Variants in CERS6 observed in about 807,000 individuals in gnomAD.
The protein encoded by CERS6 is ceramide synthase 6.
Under a neutral mutation model 56.8 loss-of-function variants are expected in CERS6, and 26 were observed. That is an observed-to-expected ratio of 0.46 (90% CI 0.34 to 0.63). The LOEUF (loss-of-function observed/expected upper bound fraction) is 0.63. CERS6 is among the 30% of genes least tolerant of loss of function. CERS6 has a pLI of 0.01. For missense variants in CERS6, 415 were observed against 467.5 expected (o/e 0.89, Z 1.04); for synonymous variants, 164 against 173.3 (o/e 0.95, Z 0.42).
intron 3 of CERS6, among the ~76,000 whole-genome samples, chr2:168,568,343 A>G (rs1352677099): frequency 2.6e-5 from 4 of 152,358 alleles, no homozygotes; most frequent in African/African-American, 7.2e-5. Context: ...TCATATTATT[A>G]TTTAACCCAG....
chr2:168,735,623 A>G (rs1161647777), intron 8 of CERS6, among the ~76,000 whole-genome samples: 1 of 152,074 alleles, frequency 6.6e-6, no homozygotes, highest in Non-Finnish European at 1.5e-5. Context: ...CTACAATCCC[A>G]GCACTTTAGG....
chr2:168,757,796 C>T lies in CERS6; in HGVS notation c.846-7796C>T, dbSNP rs753578784. 1.4e-4 allele frequency among the ~76,000 whole-genome samples: 22 copies of T among 152,270 alleles called. No individual in the cohort carries two copies. The East Asian group carries it at 2.1e-3, about 15-fold the overall frequency. On this transcript the variant is annotated intron_variant, in intron 8 of 9. Transcript: ENST00000305747. ...GTGACTAATAATTAGGCACCCATGCCGCAAGCTACCCAGAAGCTGTCCTCC... is the reference window on the plus strand; with the variant it reads ...GTGACTAATAATTAGGCACCCATGCTGCAAGCTACCCAGAAGCTGTCCTCC...
At chr2:168,673,087 A>G (rs1685963082) in intron 4 of CERS6, among the ~76,000 whole-genome samples, 1 of 152,220 alleles carries the variant, frequency 6.6e-6, no homozygotes, top group Non-Finnish European at 1.5e-5. Context: ...TTTCATTCTG[A>G]ATTCTAATAT....
chr2:168,577,661 C>T (rs745371888), intron 3 of CERS6, among the ~76,000 whole-genome samples: 12 of 152,052 alleles, frequency 7.9e-5, no homozygotes, highest in African/African-American at 2.2e-4. Flanking sequence ...GAGAGGAGCA[C>T]GGAGCATTCA....
intron 3 of CERS6, among the ~76,000 whole-genome samples, chr2:168,589,032 G>A (rs1478939397): frequency 2.0e-5 from 3 of 152,202 alleles, no homozygotes; most frequent in African/African-American, 4.8e-5. Context: ...GGGCCACCAC[G>A]CACAGCCCCT....
At chr2:168,654,354 G>A (rs1415414539) in intron 4 of CERS6, among the ~76,000 whole-genome samples, 2 of 152,038 alleles carry the variant, frequency 1.3e-5, no homozygotes, top group African/African-American at 4.8e-5. Flanking sequence ...GACCAGCCTA[G>A]CCAACATGGT....
chr2:168,473,741 T>G (rs1694019391), intron 1 of CERS6, among the ~76,000 whole-genome samples: 1 of 152,002 alleles, frequency 6.6e-6, no homozygotes, highest in Non-Finnish European at 1.5e-5. Context: ...AATAAAAAAA[T>G]AAAAAAACAC....
chr2:168,595,626 C>T (rs1480051130), intron 3 of CERS6, among the ~76,000 whole-genome samples: 9 of 152,098 alleles, frequency 5.9e-5, no homozygotes, highest in Middle Eastern at 3.2e-3. Flanking sequence ...ATGGTACTTA[C>T]GAAGAGTATC....
At chr2:168,470,890 A>G (rs1264871105) in intron 1 of CERS6, among the ~76,000 whole-genome samples, 1 of 152,208 alleles carries the variant, frequency 6.6e-6, no homozygotes, top group Non-Finnish European at 1.5e-5. Flanking sequence ...TGAAATAAAC[A>G]TGCCAGTAAA....
At chr2:168,532,890 G>T (rs188900866) in intron 1 of CERS6, among the ~76,000 whole-genome samples, 1 of 152,292 alleles carries the variant, frequency 6.6e-6, no homozygotes, top group Admixed American at 6.5e-5. Flanking sequence ...ACAGTGACCA[G>T]ATAGACATTG....
intron 1 of CERS6, among the ~76,000 whole-genome samples, chr2:168,533,717 C>G (rs148908764): frequency 6.6e-6 from 1 of 152,072 alleles, no homozygotes; most frequent in African/African-American, 2.4e-5. Context: ...CGTGGAGTAT[C>G]TTAGTGGTGT....
At chr2:168,569,855 A>G (rs553288764) in intron 3 of CERS6, among the ~76,000 whole-genome samples, 3 of 152,340 alleles carry the variant, frequency 2.0e-5, no homozygotes, top group East Asian at 1.9e-4. Context: ...TGTCTGCTTC[A>G]TAGGGTTGTT....
At chr2:168,520,695 C>A (rs1387574379) in intron 1 of CERS6, among the ~76,000 whole-genome samples, 1 of 148,302 alleles carries the variant, frequency 6.7e-6, no homozygotes, top group Non-Finnish European at 1.5e-5. Flanking sequence ...CCGCAACCTC[C>A]GCCTCCTGGG....
intron 3 of CERS6, among the ~76,000 whole-genome samples, chr2:168,563,302 A>T (rs919380106): frequency 6.6e-6 from 1 of 152,242 alleles, no homozygotes; most frequent in Admixed American, 6.5e-5. Flanking sequence ...GCATACCACA[A>T]TAAATAAGAC....
rs374967122 is a variant in CERS6 at position 168,683,143 on chromosome 2, A to G, written c.466-7891A>G. Reference sequence around the variant, plus strand: ...TATATATGGATCTAGTTAATTTTTTACAATAAATGCTGGGTCAAAGATATG... The same window carrying G: ...TATATATGGATCTAGTTAATTTTTTGCAATAAATGCTGGGTCAAAGATATG... On this transcript the variant is annotated intron_variant, in intron 4 of 9. Transcript: ENST00000305747. 2.0e-5 allele frequency among the ~76,000 whole-genome samples: 3 copies of G among 152,196 alleles called. No homozygotes were observed. The East Asian group carries it at 5.8e-4, about 29-fold the overall frequency.
intron 1 of CERS6, among the ~76,000 whole-genome samples, chr2:168,494,544 A>G (rs1291056810): frequency 6.6e-6 from 1 of 152,170 alleles, no homozygotes; most frequent in Non-Finnish European, 1.5e-5. Flanking sequence ...CAATATCTTC[A>G]AAGGAAAAAA....
intron 8 of CERS6, among the ~76,000 whole-genome samples, chr2:168,755,108 A>G (rs1684379840): frequency 6.6e-6 from 1 of 152,230 alleles, no homozygotes; most frequent in South Asian, 2.1e-4. Context: ...AAAGAAGGAG[A>G]GAGGGATTCC....
At chr2:168,702,592 T>C (rs947788948) in intron 6 of CERS6, among the ~76,000 whole-genome samples, 14 of 152,202 alleles carry the variant, frequency 9.2e-5, no homozygotes, top group African/African-American at 3.1e-4. Flanking sequence ...TTCAAAAATA[T>C]TTTATTTAAA....
chr2:168,598,404 T>C (rs1180533639), intron 3 of CERS6, among the ~76,000 whole-genome samples: 4 of 152,196 alleles, frequency 2.6e-5, no homozygotes, highest in Non-Finnish European at 5.9e-5. Flanking sequence ...TCTTTTTTTT[T>C]TCTTTTCCAC....
Sources: gnomAD v4.1 joint callset for allele counts (sites outside exome capture counted in the v4.1 genomes callset) on GRCh38, gnomAD v4.1.1 for gene constraint, MANE v1.5 for transcripts, NCBI Gene and HGNC (gene_info 2026-07-23, HGNC 2026-07-21) for gene names.